TAF4B: variants seen among roughly 807,000 people sequenced by gnomAD.
TAF4B encodes TATA-box binding protein associated factor 4b.
A neutral mutation model predicts 86.4 loss-of-function variants in TAF4B; 38 were observed. That is an observed-to-expected ratio of 0.44 (90% CI 0.34 to 0.58). The LOEUF is 0.58. Among genes scored for constraint, TAF4B ranks in the 20% least tolerant of loss-of-function variants. The pLI, the probability that TAF4B is intolerant of heterozygous loss-of-function variation, is 0.02. For missense variants in TAF4B, 988 were observed against 1,027.6 expected, an observed-to-expected ratio of 0.96 and a Z score of 0.53; for synonymous variants, 388 against 391.2, an observed-to-expected ratio of 0.99 and a Z score of 0.10.
At chr18:26,325,374 C>A (rs2056995539) in intron 11 of TAF4B, among the ~76,000 whole-genome samples, 1 of 152,128 alleles carries the variant, frequency 6.6e-6, no homozygotes, top group African/African-American at 2.4e-5. Flanking sequence ...TTGTAAAGCC[C>A]TACTCTGTTG....
At chr18:26,277,362 G>A (rs895865748) in intron 5 of TAF4B, among the ~76,000 whole-genome samples, 5 of 152,058 alleles carry the variant, frequency 3.3e-5, no homozygotes, top group East Asian at 1.9e-4. Context: ...CTAGGATTAC[G>A]GGCATGAGCC....
chr18:26,348,872 G>A (rs567899832), intron 13 of TAF4B: 1 of 152,934 alleles, frequency 6.5e-6, no homozygotes, highest in South Asian at 2.1e-4. Context: ...GCTTCTGAAT[G>A]CAATGAGTTT....
At chr18:26,315,550 A>T (rs2056903035) in intron 10 of TAF4B, 152 bp downstream of exon 10, 7 of 513,838 alleles carry the variant, frequency 1.4e-5, no homozygotes, top group Admixed American at 3.6e-5. Context: ...TTACAGAAAG[A>T]AGTAGTTTAT....
At chr18:26,338,228 A>G (rs1370949043) in intron 13 of TAF4B, among the ~76,000 whole-genome samples, 1 of 152,206 alleles carries the variant, frequency 6.6e-6, no homozygotes, top group Non-Finnish European at 1.5e-5. Context: ...TGGGTGAATC[A>G]TCTGAGCTTA....
At chr18:26,289,097 C>A (rs1300240522) in intron 7 of TAF4B, among the ~76,000 whole-genome samples, 1 of 152,126 alleles carries the variant, frequency 6.6e-6, no homozygotes, top group Admixed American at 6.5e-5. Flanking sequence ...CAACATAAAC[C>A]ATTCTATATG....
At chr18:26,351,146 A>G (rs1051344081) in intron 13 of TAF4B, among the ~76,000 whole-genome samples, 9 of 152,218 alleles carry the variant, frequency 5.9e-5, no homozygotes, top group Non-Finnish European at 1.3e-4. Context: ...ATGGATAAAG[A>G]AAATGTGCTA....
intron 1 of TAF4B, among the ~76,000 whole-genome samples, chr18:26,239,994 T>C (rs2055812591): frequency 6.6e-6 from 1 of 152,232 alleles, no homozygotes; most frequent in Non-Finnish European, 1.5e-5. Context: ...ACTATAGCCT[T>C]GTAGTATAGT....
intron 2 of TAF4B, chr18:26,266,745 C>T (rs2056245167): frequency 2.0e-5 from 3 of 152,120 alleles, no homozygotes; most frequent in Admixed American, 2.0e-4. Flanking sequence ...GCCTGTAGTC[C>T]CAGCTACGCG....
intron 1 of TAF4B, among the ~76,000 whole-genome samples, chr18:26,257,099 G>A (rs1049913724): frequency 6.6e-6 from 1 of 152,086 alleles, no homozygotes. Flanking sequence ...ATCTGAGTTA[G>A]GTTTAGTTGG....
At chr18:26,335,337 A>G in intron 13 of TAF4B, 106 bp downstream of exon 13, 2 of 983,472 alleles carry the variant, frequency 2.0e-6, no homozygotes, top group Non-Finnish European at 1.6e-6. Context: ...TACCATTTGC[A>G]GAAGCCTTGG....
intron 5 of TAF4B, among the ~76,000 whole-genome samples, chr18:26,278,458 C>T (rs2056408826): frequency 6.6e-6 from 1 of 152,016 alleles, no homozygotes; most frequent in Non-Finnish European, 1.5e-5. Flanking sequence ...GTGTGTGCCA[C>T]CATGCCCAGC....
chr18:26,364,089 T>C (rs543577314), intron 14 of TAF4B, among the ~76,000 whole-genome samples: 1 of 152,354 alleles, frequency 6.6e-6, no homozygotes, highest in Admixed American at 6.5e-5. Context: ...ACTTTTCTCA[T>C]TAAATATGAT....
intron 13 of TAF4B, among the ~76,000 whole-genome samples, chr18:26,346,763 A>ATATATATGTGTGTGTATATATATATGTG (rs1343792545): frequency 3.6e-5 from 1 of 27,756 alleles, no homozygotes; most frequent in Non-Finnish European, 9.8e-5. Context: ...ATGTGTGTAT[A>ATATATATGTGTGTGTATATATATATGTG]TATATATATA....
chr18:26,384,503 C>T (rs1446360294), intron 14 of TAF4B, among the ~76,000 whole-genome samples: 1 of 152,186 alleles, frequency 6.6e-6, no homozygotes, highest in Non-Finnish European at 1.5e-5. Flanking sequence ...GCATTCAAGG[C>T]TCCCTTAAAA....
At chr18:26,283,318 G>A (rs978424776) in intron 6 of TAF4B, among the ~76,000 whole-genome samples, 3 of 152,180 alleles carry the variant, frequency 2.0e-5, no homozygotes, top group Non-Finnish European at 4.4e-5. Context: ...CTGCAGAATG[G>A]AGGTTGTGTT....
chr18:26,294,408 GT>G (rs2056635434), intron 9 of TAF4B, among the ~76,000 whole-genome samples: 1 of 151,730 alleles, frequency 6.6e-6, no homozygotes, highest in African/African-American at 2.4e-5. Flanking sequence ...GTGCTTATTT[GT>G]TATTTATATA....
intron 9 of TAF4B, among the ~76,000 whole-genome samples, chr18:26,301,148 G>A (rs2056727451): frequency 6.6e-6 from 1 of 152,102 alleles, no homozygotes; most frequent in African/African-American, 2.4e-5. Flanking sequence ...TCAAACTATT[G>A]TAGCATTACT....
At chr18:26,387,466 T>C (rs1048856200) in intron 14 of TAF4B, among the ~76,000 whole-genome samples, 1 of 152,178 alleles carries the variant, frequency 6.6e-6, no homozygotes, top group Non-Finnish European at 1.5e-5. Flanking sequence ...TTGGTCCCAT[T>C]CCGCAAAAAT....
At chr18:26,304,822 C>T (rs777765827) in intron 9 of TAF4B, 398 of 985,286 alleles carry the variant, frequency 4.0e-4, no homozygotes, top group Middle Eastern at 1.6e-3. Flanking sequence ...TGTAATTGCT[C>T]CTCAGTAAAT....
Sources: gnomAD v4.1 joint callset for allele counts (sites outside exome capture counted in the v4.1 genomes callset) on GRCh38, gnomAD v4.1.1 for gene constraint, MANE v1.5 for transcripts, NCBI Gene and HGNC (gene_info 2026-07-23, HGNC 2026-07-21) for gene names.